Variants in NRBF2 observed in about 807,000 individuals in gnomAD.
NRBF2 encodes the protein nuclear receptor binding factor 2, also known as nuclear receptor-binding factor 2.
NRBF2 carries 12 observed loss-of-function variants against 28.5 expected under a neutral mutation model. The ratio of observed to expected loss-of-function variants is 0.42; its 90% confidence interval spans 0.27 to 0.68. The LOEUF (loss-of-function observed/expected upper bound fraction) is 0.68, where lower values mean the gene tolerates loss of function less well. NRBF2 is among the 30% of genes least tolerant of loss of function. NRBF2 has a pLI of 0.24. For missense variants in NRBF2, 274 were observed against 333.5 expected (o/e 0.82, Z 1.39); for synonymous variants, 102 against 116.5 (o/e 0.88, Z 0.80).
At chr10:63,138,279 C>T (rs1841405114) in intron 1 of NRBF2, among the ~76,000 whole-genome samples, 1 of 151,844 alleles carries the variant, frequency 6.6e-6, no homozygotes, top group Non-Finnish European at 1.5e-5. Flanking sequence ...CGCCCTTGCA[C>T]TCCAGCCTGG....
chr10:63,152,258 G>A, intron 3 of NRBF2, 68 bp downstream of exon 3: 1 of 1,193,526 alleles, frequency 8.4e-7, no homozygotes, highest in Non-Finnish European at 1.2e-6. Context: ...TGAATTGTGT[G>A]TAAAGCAAAG....
In NRBF2 at chr10:63,153,771, C is replaced by T. The variant is rs753624517; in HGVS notation, c.417C>T (p.Asp139=). The T allele has an allele frequency of 1.2e-4, 197 of 1,612,962 alleles. No individual in the cohort carries two copies. Among genetic ancestry groups the T allele is most frequent in the Non-Finnish European group, 1.6e-4 (191 of 1,179,832 alleles). ...EIQGIFDRDP[D]TLLYLLQQKS... is the part of the protein sequence containing the mutation. ...AGGGGATCTTTGACAGGGATCCAGA[C>T]ACACTACTTTATTTACTTCAGCAAA... is the stretch of plus-strand genomic sequence containing the variant. The change falls in exon 4 of 4, where the codon GAC becomes GAT. Residue 139 remains aspartate (D), a synonymous_variant. Coordinates refer to ENST00000277746, the MANE Select transcript of NRBF2 (RefSeq NM_030759.5).
intron 2 of NRBF2, among the ~76,000 whole-genome samples, chr10:63,151,232 T>G: frequency 6.6e-6 from 1 of 152,198 alleles, no homozygotes; most frequent in Non-Finnish European, 1.5e-5. Flanking sequence ...AGGAACTTAA[T>G]GTAGGTATGA....
intron 2 of NRBF2, among the ~76,000 whole-genome samples, chr10:63,151,082 C>T (rs1006591773): frequency 2.0e-5 from 3 of 152,130 alleles, no homozygotes; most frequent in Admixed American, 6.6e-5. Flanking sequence ...GGTTTGGGAC[C>T]CCTGATATAA....
intron 1 of NRBF2, among the ~76,000 whole-genome samples, chr10:63,142,435 C>G (rs1388465746): frequency 3.9e-5 from 6 of 151,910 alleles, no homozygotes; most frequent in Non-Finnish European, 8.8e-5. Context: ...TCTCAAAGTG[C>G]TGGGCTTACA....
chr10:63,133,599 T>C (rs1841322836), intron 1 of NRBF2, 99 bp downstream of exon 1: 3 of 947,046 alleles, frequency 3.2e-6, no homozygotes, highest in Admixed American at 4.0e-5. Context: ...GGCTGGGAGG[T>C]TGGTTTGGCA....
At chr10:63,147,202 GC>G (rs1841574740) in intron 2 of NRBF2, among the ~76,000 whole-genome samples, 1 of 152,094 alleles carries the variant, frequency 6.6e-6, no homozygotes, top group Non-Finnish European at 1.5e-5. Flanking sequence ...GACAGAGGCT[GC>G]CCCTCCCTTG....
chr10:63,152,036 C>A, intron 2 of NRBF2, 114 bp from the exon 3 acceptor site: 1 of 634,674 alleles, frequency 1.6e-6, no homozygotes, highest in Non-Finnish European at 2.7e-6. Context: ...CCAATTGTAT[C>A]AGAGTTATCA....
chr10:63,152,872 C>T (rs879440448), intron 3 of NRBF2, among the ~76,000 whole-genome samples: 2 of 152,176 alleles, frequency 1.3e-5, no homozygotes, highest in Non-Finnish European at 2.9e-5. Flanking sequence ...TGGCACATGC[C>T]TGTAGTTCTA....
rs1281465727 is a variant in NRBF2 at position 63,138,504 on chromosome 10, G to A, written c.30+5004G>A. Among the ~76,000 whole-genome samples, 10 of 151,006 alleles carry A rather than the reference G, an allele frequency of 6.6e-5. No individual in the cohort carries two copies. In the East Asian group the frequency reaches 1.8e-3, roughly 27 times the overall value. ...GTCGCAAAAAAAAAAAAAAAAATTG[G>A]GAGGCCAAGGCGGGCAGATCACGAG... On this transcript the variant is annotated intron_variant, in intron 1 of 3. Transcript: ENST00000277746.
At chr10:63,139,132 TC>T (rs1159198264) in intron 1 of NRBF2, among the ~76,000 whole-genome samples, 1 of 152,102 alleles carries the variant, frequency 6.6e-6, no homozygotes, top group Non-Finnish European at 1.5e-5. Context: ...GCCTCAGCCT[TC>T]CTTGTAGCTG....
At chr10:63,144,315 G>A (rs1049144945) in intron 1 of NRBF2, among the ~76,000 whole-genome samples, 5 of 151,926 alleles carry the variant, frequency 3.3e-5, no homozygotes, top group South Asian at 4.1e-4. Context: ...TACCCAATAA[G>A]TCGATTTGTA....
Position 63,153,941 on chromosome 10 carries a change from A to G in NRBF2, c.587A>G (p.Asn196Ser), listed in dbSNP as rs1458475323. ...VAENERLRKE[N>S]KQLKAEKARL... ...GAGAATGAAAGATTAAGGAAAGAAA[A>G]TAAACAACTAAAGGCTGAAAAGGCC... The change falls in exon 4 of 4, where the codon AAT becomes AGT. Residue 196 changes from asparagine to serine, a missense_variant. Coordinates refer to ENST00000277746, the MANE Select transcript of NRBF2 (RefSeq NM_030759.5). The G allele has an allele frequency of 6.2e-7, 1 of 1,611,978 alleles. No individual in the cohort carries two copies.
rs746063612 is a variant in NRBF2 at position 63,153,558 on chromosome 10, C to T, written c.204C>T (p.Leu68=). ...AAAGGGATAGCCATATGAAACAGCT[C>T]CTCCTCATCCAAGAGAGATGGAAAA... ...ELQRDSHMKQ[L]LLIQERWKRA... The change falls in exon 4 of 4, where the codon CTC becomes CTT. Residue 68 remains leucine (L), a synonymous_variant. Coordinates refer to ENST00000277746, the MANE Select transcript of NRBF2 (RefSeq NM_030759.5). 11 of 1,611,808 alleles carry T rather than the reference C, an allele frequency of 6.8e-6. No homozygotes were observed. The highest frequency in any genetic ancestry group is 1.3e-5 in the African/African-American group (1 of 74,834).
At chr10:63,149,054 G>A (rs1028437852) in intron 2 of NRBF2, among the ~76,000 whole-genome samples, 2 of 152,336 alleles carry the variant, frequency 1.3e-5, no homozygotes, top group Non-Finnish European at 2.9e-5. Context: ...GTATATTGCT[G>A]CACTTTGTAT....
chr10:63,147,482 G>A (rs1005280668), intron 2 of NRBF2, among the ~76,000 whole-genome samples: 5 of 151,780 alleles, frequency 3.3e-5, no homozygotes, highest in Admixed American at 6.6e-5. Flanking sequence ...CACCACCCCC[G>A]GCTTGTATTT....
At chr10:63,151,656 G>A (rs761732848) in intron 2 of NRBF2, among the ~76,000 whole-genome samples, 14 of 152,126 alleles carry the variant, frequency 9.2e-5, no homozygotes, top group Non-Finnish European at 1.6e-4. Context: ...TAACTTCCTC[G>A]CAGTAAATAT....
At position 63,154,466 on chromosome 10, in the gene NRBF2, C is replaced by G. The variant is rs1270625531; in HGVS notation, c.*248C>G. 1 of 331,342 alleles carries G rather than the reference C, an allele frequency of 3.0e-6. No homozygotes were observed. The highest frequency in any genetic ancestry group is 2.1e-5 in the African/African-American group (1 of 46,982). The allele number at this position is 331,342 out of a possible 1,614,324, so 20.5% of individuals were successfully genotyped here. A position where few individuals can be genotyped will look rare whatever the true frequency, so the allele number is the denominator to read the frequency against. On this transcript the variant is annotated 3_prime_UTR_variant, in exon 4 of 4. Transcript: ENST00000277746. ...CGCTAAACTCATGGAGGTTCGGTTT[C>G]TCCTGATACAAACCAAATGGCTACC...
rs990164418 is a variant in NRBF2 at position 63,154,482 on chromosome 10, A to G, written c.*264A>G. 1 of 295,188 alleles carries G rather than the reference A, an allele frequency of 3.4e-6. No individual in the cohort carries two copies. The highest frequency in any genetic ancestry group is 2.2e-5 in the African/African-American group (1 of 46,148). The allele number at this position is 295,188 out of a possible 1,614,324, so 18.3% of individuals were successfully genotyped here. On this transcript the variant is annotated 3_prime_UTR_variant, in exon 4 of 4. Coordinates refer to ENST00000277746, the MANE Select transcript of NRBF2 (RefSeq NM_030759.5). Reference sequence around the variant, plus strand: ...GTTCGGTTTCTCCTGATACAAACCAAATGGCTACCTGGAAGAATTTCTTTC... The same window carrying G: ...GTTCGGTTTCTCCTGATACAAACCAGATGGCTACCTGGAAGAATTTCTTTC...
Sources: gnomAD v4.1 joint callset for allele counts (sites outside exome capture counted in the v4.1 genomes callset) on GRCh38, gnomAD v4.1.1 for gene constraint, MANE v1.5 for transcripts, NCBI Gene and HGNC (gene_info 2026-07-23, HGNC 2026-07-21) for gene names.